The following DERL2 variants were observed in gnomAD, a reference collection of about 807,000 sequenced individuals.
The protein encoded by DERL2 is derlin 2.
Under a neutral mutation model 32.0 loss-of-function variants are expected in DERL2, and 13 were observed. The observed-to-expected ratio is 0.41, with a 90% CI of 0.26 to 0.65. DERL2 has a LOEUF of 0.65. Ranked by LOEUF, DERL2 falls within the 30% of genes least tolerant of loss-of-function variation. The pLI is 0.35. For missense variants in DERL2, 208 were observed against 296.3 expected (o/e 0.70, Z 2.19); for synonymous variants, 111 against 104.7 (o/e 1.06, Z -0.37).
intron 2 of DERL2, 148 bp from the exon 3 acceptor site, chr17:5,483,030 G>A: frequency 4.6e-6 from 2 of 433,214 alleles, no homozygotes; most frequent in Admixed American, 4.5e-5. Flanking sequence ...CAAAAACGGG[G>A]GCATATAATC....
At position 5,471,620 on chromosome 17, in the gene DERL2, T is replaced by C. The variant is rs1235162266; in HGVS notation, c.*3064A>G. ...AGTAAAGTTAAGAAAAAAACAAGTA[T>C]GCATATAATGTAGGGGCTTACTAAG... On this transcript the variant is annotated 3_prime_UTR_variant, in exon 7 of 7. Transcript: ENST00000158771. 1.3e-5 allele frequency: 2 copies of C among 152,192 alleles called. No individual in the cohort carries two copies. Among genetic ancestry groups the C allele is most frequent in the African/African-American group, 2.4e-5 (1 of 41,448 alleles). 9.4% of individuals were successfully genotyped at this position (152,192 alleles called of 1,614,324 possible).
At chr17:5,485,913 C>CT in intron 1 of DERL2, 156 bp downstream of exon 1, 2 of 545,688 alleles carry the variant, frequency 3.7e-6, no homozygotes, top group Non-Finnish European at 6.3e-6. Flanking sequence ...GATAAGCATT[C>CT]TTGGCGCCAA....
chr17:5,486,391 T>G, upstream of DERL2: 1 of 439,064 alleles, frequency 2.3e-6, no homozygotes, highest in East Asian at 4.3e-5. Flanking sequence ...CACCCTCTCT[T>G]CTCCACCAGC....
In DERL2 at chr17:5,472,939, C is replaced by T. The variant is rs1006342413; in HGVS notation, c.*1745G>A. ...TTTTAAACTGCTTAAAAAGCAGTCC[C>T]ATAGACCCAGGTTCCATAAAATTGC... On this transcript the variant is annotated 3_prime_UTR_variant, in exon 7 of 7. Transcript: ENST00000158771. The T allele has an allele frequency of 6.6e-6, 1 of 152,186 alleles. No individual in the cohort carries two copies. The highest frequency in any genetic ancestry group is 1.5e-5 in the Non-Finnish European group (1 of 68,036). 9.4% of individuals were successfully genotyped at this position (152,186 alleles called of 1,614,324 possible). A position where few individuals can be genotyped will look rare whatever the true frequency, so the allele number is the denominator to read the frequency against.
At chr17:5,477,359 C>T (rs1905460906) in intron 6 of DERL2, among the ~76,000 whole-genome samples, 1 of 152,068 alleles carries the variant, frequency 6.6e-6, no homozygotes, top group African/African-American at 2.4e-5. Flanking sequence ...GGGACAGGTA[C>T]AATGATTGAC....
rs753564088 is a variant in DERL2, at chr17:5,480,368, A to G, written c.523+19T>C. 4 of 1,586,538 alleles carry G rather than the reference A, an allele frequency of 2.5e-6. No individual in the cohort carries two copies. The East Asian group carries it at 9.0e-5, about 36-fold the overall frequency. On this transcript the variant is annotated intron_variant, in intron 5 of 6. Coordinates refer to ENST00000158771, the MANE Select transcript of DERL2 (RefSeq NM_016041.5). ...TTTTACAGGTAAAATAATTTAAAAA[A>G]TAGTGAGAAGAGCCTTACCCAAAAG...
chr17:5,483,077 T>A (rs777312614), intron 2 of DERL2, among the ~76,000 whole-genome samples, 195 bp from the exon 3 acceptor site: 2 of 152,130 alleles, frequency 1.3e-5, no homozygotes, highest in African/African-American at 4.8e-5. Context: ...TAGTTCAAAG[T>A]CTGAAAGACA....
intron 2 of DERL2, 34 bp downstream of exon 2, chr17:5,485,115 CTG>C: frequency 7.1e-7 from 1 of 1,414,160 alleles, no homozygotes; most frequent in East Asian, 2.4e-5. Context: ...AAAGAAGAAA[CTG>C]AAGCATTAAT....
Position 5,480,424 on chromosome 17 carries a change from G to A in DERL2, c.486C>T (p.Ser162=), listed in dbSNP as rs1040219916. 6.2e-7 allele frequency: 1 copy of A among 1,613,840 alleles called. No homozygotes were observed. Among genetic ancestry groups the A allele is most frequent in the Non-Finnish European group, 8.5e-7 (1 of 1,179,934 alleles). The change falls in exon 5 of 7, where the codon TCC becomes TCT. Residue 162 remains serine, a synonymous_variant. Coordinates refer to ENST00000158771, the MANE Select transcript of DERL2 (RefSeq NM_016041.5). The part of the protein sequence containing the change: ...PFLPWVLMGF[S]LLLGNSIIVD... ...CAATGATTGAGTTCCCCAACAACAA[G>A]GAAAATCCCATGAGCACCCAGGGCA...
At chr17:5,486,187 C>CCCCACCCA, upstream of DERL2, 1 of 1,109,586 alleles carries the variant, frequency 9.0e-7, no homozygotes, top group South Asian at 1.3e-5. Context: ...CTGCCCCACC[C>CCCCACCCA]CCCACCCACC....
At position 5,480,345 on chromosome 17, in the gene DERL2, T is replaced by C. The variant is rs574818030; in HGVS notation, c.523+42A>G. ...CATGAAAAATAGTAACAAAATACTT[T>C]TACAGGTAAAATAATTTAAAAAATA... is the stretch of plus-strand genomic sequence containing the variant. On this transcript the variant is annotated intron_variant, in intron 5 of 6. Coordinates refer to ENST00000158771, the MANE Select transcript of DERL2 (RefSeq NM_016041.5). The C allele has an allele frequency of 3.2e-6, 5 of 1,561,468 alleles. No individual in the cohort carries two copies. The South Asian group carries it at 4.7e-5, about 15-fold the overall frequency.
chr17:5,486,217 C>A, upstream of DERL2: 1 of 1,218,028 alleles, frequency 8.2e-7, no homozygotes, highest in Non-Finnish European at 1.1e-6. Context: ...CTTCCGCCAG[C>A]AGGCCCCGGC....
intron 6 of DERL2, among the ~76,000 whole-genome samples, chr17:5,478,447 C>T (rs1039354769): frequency 6.6e-6 from 1 of 152,206 alleles, no homozygotes; most frequent in African/African-American, 2.4e-5. Flanking sequence ...GAGACATCAT[C>T]CTACAACTAT....
In DERL2 at chr17:5,480,170, G is replaced by C. The variant is rs780577695; in HGVS notation, c.524-26C>G. 7 of 1,500,276 alleles carry C rather than the reference G, an allele frequency of 4.7e-6. No individual in the cohort carries two copies. The Admixed American group carries it at 1.1e-4, about 23-fold the overall frequency. 92.9% of individuals were successfully genotyped at this position (1,500,276 alleles called of 1,614,324 possible). ...CTAGAGTCAAGCAGAAATAAAGGAT[G>C]AGGGAGAGAATTAAAATTTAGATTG... On this transcript the variant is annotated intron_variant, in intron 5 of 6. Transcript: ENST00000158771.
chr17:5,482,521 C>A, intron 3 of DERL2: 1 of 269,468 alleles, frequency 3.7e-6, no homozygotes, highest in Non-Finnish European at 7.1e-6. Context: ...CTGTTGGTTA[C>A]TGTGGAGGTA....
At position 5,480,038 on chromosome 17, in the gene DERL2, GGT is replaced by G; in HGVS notation, c.614+14_614+15del. On this transcript the variant is annotated intron_variant, in intron 6 of 6. Coordinates refer to ENST00000158771, the MANE Select transcript of DERL2 (RefSeq NM_016041.5). ...GTTTGCCTGTAAGAGTATGTAACCT[GGT>G]GTTAAATACTCACAAAATAGATGGT... The G allele has an allele frequency of 6.7e-7, 1 of 1,498,392 alleles. No individual in the cohort carries two copies. The highest frequency in any genetic ancestry group is 1.4e-5 in the African/African-American group (1 of 72,396). 92.8% of individuals were successfully genotyped at this position (1,498,392 alleles called of 1,614,324 possible).
chr17:5,480,202 G>C (rs1905683575), intron 5 of DERL2, 58 bp from the exon 6 acceptor site: 2 of 1,306,748 alleles, frequency 1.5e-6, no homozygotes. Context: ...ATTGCAGGTA[G>C]ACCTACCAAC....
intron 2 of DERL2, among the ~76,000 whole-genome samples, chr17:5,484,116 G>T (rs1905982970): frequency 6.6e-6 from 1 of 152,198 alleles, no homozygotes; most frequent in Admixed American, 6.5e-5. Context: ...AGAGTTCAAT[G>T]GATATAAAGT....
At chr17:5,479,590 A>G (rs1905637198) in intron 6 of DERL2, among the ~76,000 whole-genome samples, 1 of 151,170 alleles carries the variant, frequency 6.6e-6, no homozygotes, top group Non-Finnish European at 1.5e-5. Context: ...GACTTGCTCT[A>G]TGGCTGGTCA....
Sources: allele counts gnomAD v4.1 joint callset (sites outside exome capture counted in the v4.1 genomes callset), GRCh38; gene constraint gnomAD v4.1.1; transcripts MANE v1.5; gene names NCBI Gene and HGNC (gene_info 2026-07-23, HGNC 2026-07-21).